Variants in NIPBL observed in about 807,000 individuals in gnomAD.
The protein encoded by NIPBL is nipped-B-like protein.
NIPBL carries 19 observed loss-of-function variants against 321.8 expected under a neutral mutation model. The ratio of observed to expected loss-of-function variants is 0.06; its 90% CI spans 0.04 to 0.09. NIPBL has a LOEUF of 0.09. NIPBL is among the 10% of genes least tolerant of loss of function. The pLI is 1.00. For missense variants in NIPBL, 2,210 were observed against 3,327.0 expected (o/e 0.66, Z 8.26); for synonymous variants, 1,106 against 1,114.1 (o/e 0.99, Z 0.14).
At chr5:36,890,348 T>G (rs1421914235) in intron 1 of NIPBL, among the ~76,000 whole-genome samples, 2 of 152,244 alleles carry the variant, frequency 1.3e-5, no homozygotes, top group Non-Finnish European at 2.9e-5. Flanking sequence ...AACATTTTTA[T>G]GGCCTTTAAT....
chr5:37,060,173 T>G (rs866400235), intron 44 of NIPBL, among the ~76,000 whole-genome samples: 1 of 152,158 alleles, frequency 6.6e-6, no homozygotes, highest in African/African-American at 2.4e-5. Flanking sequence ...ATCCAGATTT[T>G]TAAGAGGAAT....
rs564947447 is a variant in NIPBL, at chr5:37,022,518, A to G, written c.5574+128A>G. On this transcript the variant is annotated intron_variant, in intron 29 of 46. Transcript: ENST00000282516. Reference sequence around the variant, plus strand: ...TATATTTATATTGTCAAATTTATGAACTATTGCCACTTTCTAAACAAGTAC... The same window carrying G: ...TATATTTATATTGTCAAATTTATGAGCTATTGCCACTTTCTAAACAAGTAC... 2.8e-5 allele frequency: 22 copies of G among 782,898 alleles called. No homozygotes were observed. The South Asian group carries it at 4.4e-4, about 15-fold the overall frequency. 48.5% of individuals were successfully genotyped at this position (782,898 alleles called of 1,614,324 possible).
intron 27 of NIPBL, among the ~76,000 whole-genome samples, chr5:37,021,483 C>A (rs1454927226): frequency 6.6e-6 from 1 of 152,078 alleles, no homozygotes; most frequent in Non-Finnish European, 1.5e-5. Context: ...GAGATCAAGA[C>A]CGTCCTGGCT....
chr5:37,048,159 C>T (rs2149736512), intron 38 of NIPBL, among the ~76,000 whole-genome samples: 1 of 152,206 alleles, frequency 6.6e-6, no homozygotes, highest in South Asian at 2.1e-4. Flanking sequence ...GATTATGTGA[C>T]TCACCCAAGG....
At chr5:37,011,065 T>C (rs1748060875) in intron 21 of NIPBL, among the ~76,000 whole-genome samples, 2 of 152,138 alleles carry the variant, frequency 1.3e-5, no homozygotes, top group African/African-American at 4.8e-5. Flanking sequence ...GGAAAATGAG[T>C]TTATTCCCTC....
At chr5:36,988,983 A>T (rs761711913) in intron 10 of NIPBL, among the ~76,000 whole-genome samples, 1 of 152,208 alleles carries the variant, frequency 6.6e-6, no homozygotes, top group African/African-American at 2.4e-5. Context: ...CTGTGGCACT[A>T]TATCTGTATC....
intron 1 of NIPBL, 85 bp from the exon 2 acceptor site, chr5:36,953,532 CT>C (rs893616885): frequency 6.6e-5 from 43 of 655,770 alleles, no homozygotes; most frequent in African/African-American, 5.5e-4. Context: ...AAAGCAGTAA[CT>C]TTTTTTTATA....
Position 37,059,177 on chromosome 5 carries a change from T to G in NIPBL, c.7685+12T>G. The G allele has an allele frequency of 1.2e-6, 2 of 1,613,728 alleles. No homozygotes were observed. The highest frequency in any genetic ancestry group is 1.7e-6 in the Non-Finnish European group (2 of 1,179,756). Reference sequence around the variant, plus strand: ...GGATTTTCTGATAGGTAAGGTTACATAAGCAGTGAGAGAAAAAACTTCACT... The same window carrying G: ...GGATTTTCTGATAGGTAAGGTTACAGAAGCAGTGAGAGAAAAAACTTCACT... On this transcript the variant is annotated intron_variant, in intron 44 of 46. Coordinates refer to ENST00000282516, the MANE Select transcript of NIPBL (RefSeq NM_133433.4).
At chr5:37,021,629 C>G (rs1157871452) in intron 27 of NIPBL, among the ~76,000 whole-genome samples, 2 of 152,034 alleles carry the variant, frequency 1.3e-5, no homozygotes, top group African/African-American at 2.4e-5. Flanking sequence ...TGCAGGGAGC[C>G]GAGATTGCGC....
intron 1 of NIPBL, among the ~76,000 whole-genome samples, chr5:36,879,600 C>A (rs1745356047): frequency 6.6e-6 from 1 of 152,042 alleles, no homozygotes; most frequent in African/African-American, 2.4e-5. Flanking sequence ...GTTCTGCTTC[C>A]CCTCTGTTGG....
At chr5:36,918,825 G>A (rs1350497683) in intron 1 of NIPBL, among the ~76,000 whole-genome samples, 6 of 152,068 alleles carry the variant, frequency 3.9e-5, no homozygotes, top group Non-Finnish European at 5.9e-5. Context: ...GATGGATTAC[G>A]TTTATTGATT....
rs775638112 is a variant in NIPBL at position 36,961,571 on chromosome 5, A to T, written c.446A>T (p.His149Leu). The T allele has an allele frequency of 6.3e-7, 1 of 1,584,314 alleles. No individual in the cohort carries two copies. Among genetic ancestry groups the T allele is most frequent in the East Asian group, 2.2e-5 (1 of 44,624 alleles). Reference sequence around the variant, plus strand: ...AATTATCAACAAACCACTATCTCACATAGCCCCTCCAGGTAATATATGTAT... The same window carrying T: ...AATTATCAACAAACCACTATCTCACTTAGCCCCTCCAGGTAATATATGTAT... Reference protein sequence around the residue: ...SSNYQQTTISHSPSSRFVPPQ... With the variant: ...SSNYQQTTISLSPSSRFVPPQ... Residue 149 changes from histidine (H) to leucine (L), a missense_variant, in exon 5 of 47, where the codon CAT (histidine) becomes CTT (leucine). Transcript: ENST00000282516.
chr5:37,061,569 C>T (rs1176405175), intron 45 of NIPBL, among the ~76,000 whole-genome samples: 1 of 152,088 alleles, frequency 6.6e-6, no homozygotes, highest in Non-Finnish European at 1.5e-5. Context: ...GTCCCAGCTA[C>T]TCAGGAGGCT....
Position 36,958,250 on chromosome 5 carries a change from G to C in NIPBL, c.358+19G>C, listed in dbSNP as rs534553675. ...CAAAGTGGTGAGTTTCTTAATAACT[G>C]AATTCCCATATCAAACTTGTTTTAT... On this transcript the variant is annotated intron_variant, in intron 4 of 46. Transcript: ENST00000282516. 80 of 1,611,984 alleles carry C rather than the reference G, an allele frequency of 5.0e-5. No individual in the cohort carries two copies. The South Asian group carries it at 8.7e-4, about 17-fold the overall frequency.
At chr5:37,041,273 T>G (rs910957157) in intron 34 of NIPBL, among the ~76,000 whole-genome samples, 1 of 131,794 alleles carries the variant, frequency 7.6e-6, no homozygotes, top group African/African-American at 3.0e-5. Context: ...TTTTTTTTTT[T>G]TTTTTTTTGA....
In NIPBL at chr5:36,990,466, A is replaced by C. The variant is rs193026369; in HGVS notation, c.3121+4165A>C. Among the ~76,000 whole-genome samples, 278 of 152,282 alleles carry C rather than the reference A, an allele frequency of 1.8e-3. 3 individuals carry two copies. The highest frequency in any genetic ancestry group is 3.4e-3 in the Non-Finnish European group (233 of 68,014). ...ATTTTCGGTGTTTTCTTTAAAGTAG[A>C]TTGTAATATTGAATAATATTTAATG... On this transcript the variant is annotated intron_variant, in intron 10 of 46. Coordinates refer to ENST00000282516, the MANE Select transcript of NIPBL (RefSeq NM_133433.4).
At chr5:36,901,752 A>T (rs1580184509) in intron 1 of NIPBL, among the ~76,000 whole-genome samples, 1 of 150,570 alleles carries the variant, frequency 6.6e-6, no homozygotes, top group African/African-American at 2.4e-5. Flanking sequence ...CAAGTGATCC[A>T]CCCCCCTCTG....
At chr5:37,038,329 A>G (rs1348662655) in intron 33 of NIPBL, among the ~76,000 whole-genome samples, 2 of 152,070 alleles carry the variant, frequency 1.3e-5, no homozygotes, top group African/African-American at 4.8e-5. Flanking sequence ...TTTATTCCCA[A>G]AAGCCCATTC....
At chr5:37,002,874 A>C in intron 15 of NIPBL, 109 bp downstream of exon 15, 1 of 709,514 alleles carries the variant, frequency 1.4e-6, no homozygotes, top group Non-Finnish European at 2.4e-6. Context: ...TAGTAAAAAG[A>C]AAACTCATTG....
Sources: allele counts gnomAD v4.1 joint callset (sites outside exome capture counted in the v4.1 genomes callset), GRCh38; gene constraint gnomAD v4.1.1; transcripts MANE v1.5; gene names NCBI Gene and HGNC (gene_info 2026-07-23, HGNC 2026-07-21).